KCTD10: variants seen among roughly 807,000 people sequenced by gnomAD.
KCTD10 encodes the protein BTB/POZ domain-containing adapter for CUL3-mediated RhoA degradation protein 3.
A neutral mutation model predicts 34.6 loss-of-function variants in KCTD10; 13 were observed. The ratio of observed to expected loss-of-function variants is 0.38; its 90% CI spans 0.24 to 0.60. The LOEUF is 0.60. KCTD10 is among the 20% of genes least tolerant of loss of function. KCTD10 has a pLI of 0.66. For missense variants in KCTD10, 256 were observed against 420.3 expected (o/e 0.61, Z 3.42); for synonymous variants, 156 against 168.8 (o/e 0.92, Z 0.59).
chr12:109,477,224 C>T (rs1320890851), intron 1 of KCTD10, 36 bp downstream of exon 1: 1 of 1,612,906 alleles, frequency 6.2e-7, no homozygotes, highest in African/African-American at 1.3e-5. Context: ...CCTCGGCCGC[C>T]CTCAACCCCT....
In KCTD10 at chr12:109,451,955, T is replaced by C. The variant is rs1872795524; in HGVS notation, c.724-142A>G. 1 of 623,804 alleles carries C rather than the reference T, an allele frequency of 1.6e-6. No homozygotes were observed. The highest frequency in any genetic ancestry group is 2.6e-6 in the Non-Finnish European group (1 of 382,676). The allele number at this position is 623,804 out of a possible 1,614,324, so 38.6% of individuals were successfully genotyped here. ...CCAGTATTATTTTTAAATAAACTGATATTTTCAATGGCAACACTTACATGT... is the reference window on the plus strand; with the variant it reads ...CCAGTATTATTTTTAAATAAACTGACATTTTCAATGGCAACACTTACATGT... On this transcript the variant is annotated intron_variant, in intron 6 of 6. Transcript: ENST00000228495. This position sits in a 1 kb window ranked among gnomAD's most constrained non-coding sequence, Gnocchi z 5.0.
In KCTD10 at chr12:109,448,972, C is replaced by T. The variant is rs1365822291; in HGVS notation, c.*2623G>A. The T allele has an allele frequency of 6.6e-6, 1 of 151,878 alleles. No individual in the cohort carries two copies. Among genetic ancestry groups the T allele is most frequent in the Non-Finnish European group, 1.5e-5 (1 of 68,036 alleles). 9.4% of individuals were successfully genotyped at this position (151,878 alleles called of 1,614,324 possible). On this transcript the variant is annotated 3_prime_UTR_variant, in exon 7 of 7. Transcript: ENST00000228495. ...GCCAGGAATTGTCTTGGACATGGGC[C>T]CCAGTCACCACAATCAGATGGCTTA...
chr12:109,467,120 C>A (rs1476373079), intron 2 of KCTD10, among the ~76,000 whole-genome samples: 3 of 152,264 alleles, frequency 2.0e-5, no homozygotes, highest in Non-Finnish European at 4.4e-5. Context: ...GGATGCCACA[C>A]TCAAATGATC....
chr12:109,451,859 C>A lies in KCTD10; in HGVS notation c.724-46G>T. On this transcript the variant is annotated intron_variant, in intron 6 of 6. Coordinates refer to ENST00000228495, the MANE Select transcript of KCTD10 (RefSeq NM_031954.5). This position sits in a 1 kb window ranked among gnomAD's most constrained non-coding sequence, Gnocchi z 5.0. ...GGGCAGGTAAGTTATGGCCCACCCC[C>A]TCTGCCAACACCTGGACTTTAAGCA... is the stretch of plus-strand genomic sequence containing the variant. 2 of 1,524,744 alleles carry A rather than the reference C, an allele frequency of 1.3e-6. No homozygotes were observed. The highest frequency in any genetic ancestry group is 1.9e-5 in the Admixed American group (1 of 53,006). 94.5% of individuals were successfully genotyped at this position (1,524,744 alleles called of 1,614,324 possible). A position where few individuals can be genotyped will look rare whatever the true frequency, so the allele number is the denominator to read the frequency against.
chr12:109,452,825 G>A (rs1007622372), intron 6 of KCTD10, among the ~76,000 whole-genome samples: 5 of 131,070 alleles, frequency 3.8e-5, no homozygotes, highest in Non-Finnish European at 8.1e-5. Context: ...GAGGCTGGGA[G>A]GAAATCCTGG....
intron 1 of KCTD10, among the ~76,000 whole-genome samples, chr12:109,473,222 C>T (rs1032506286): frequency 2.0e-5 from 3 of 152,176 alleles, no homozygotes; most frequent in African/African-American, 7.2e-5. Flanking sequence ...AGCTATGATA[C>T]ATAAGCTGAG....
intron 1 of KCTD10, among the ~76,000 whole-genome samples, chr12:109,473,118 C>A (rs538890548): frequency 3.3e-5 from 5 of 152,222 alleles, no homozygotes; most frequent in South Asian, 4.1e-4. Context: ...CAGGGTCAGT[C>A]ACTCTCAAGC....
intron 6 of KCTD10, 53 bp downstream of exon 6, chr12:109,456,065 A>G: frequency 6.5e-7 from 1 of 1,545,890 alleles, no homozygotes; most frequent in Non-Finnish European, 8.9e-7. Flanking sequence ...AGGAAGTTCT[A>G]TAGGTGTGTG....
chr12:109,467,897 G>T (rs539228752), intron 2 of KCTD10, among the ~76,000 whole-genome samples: 2 of 152,174 alleles, frequency 1.3e-5, no homozygotes, highest in African/African-American at 2.4e-5. Flanking sequence ...TTTTGATATG[G>T]CATCAGGCCA....
rs1047130363 is a variant in KCTD10, at chr12:109,450,166, G to A, written c.*1429C>T. 1 of 398,182 alleles carries A rather than the reference G, an allele frequency of 2.5e-6. No individual in the cohort carries two copies. Among genetic ancestry groups the A allele is most frequent in the African/African-American group, 2.1e-5 (1 of 48,632 alleles). 24.7% of individuals were successfully genotyped at this position (398,182 alleles called of 1,614,324 possible). A position where few individuals can be genotyped will look rare whatever the true frequency, so the allele number is the denominator to read the frequency against. On this transcript the variant is annotated 3_prime_UTR_variant, in exon 7 of 7. Transcript: ENST00000228495. ...GGTATAAAACGGTAACGATTCCCTT[G>A]ACAAACCCATCCATCACCTGACGCA... is the stretch of plus-strand genomic sequence containing the variant.
At chr12:109,467,570 T>C (rs1349010366) in intron 2 of KCTD10, among the ~76,000 whole-genome samples, 1 of 152,058 alleles carries the variant, frequency 6.6e-6, no homozygotes, top group East Asian at 1.9e-4. Context: ...TGCCGTGAGC[T>C]ATGATGGCCC....
At chr12:109,473,983 G>A (rs142297763) in intron 1 of KCTD10, among the ~76,000 whole-genome samples, 1,837 of 152,178 alleles carry the variant, frequency 0.012, 27 homozygotes, top group African/African-American at 0.037. Context: ...GTTTCACCAT[G>A]TTGGTCAGGC....
At chr12:109,469,965 T>C (rs1030006477) in intron 1 of KCTD10, 9 of 1,231,970 alleles carry the variant, frequency 7.3e-6, no homozygotes, top group South Asian at 3.3e-5. Flanking sequence ...AGCTGGGGTA[T>C]TGGATGACCC....
In KCTD10 at chr12:109,460,397, G is replaced by A. The variant is rs1231519873; in HGVS notation, c.387+239C>T. On this transcript the variant is annotated intron_variant, in intron 3 of 6. Transcript: ENST00000228495. The surrounding 1 kb of genome is among the most constrained non-coding windows in gnomAD (Gnocchi z 4.5). Reference sequence around the variant, plus strand: ...TGCTGAAGGGTTGAGATGTACACATGAGAAGATCCAACAGCATGGGGCTGC... The same window carrying A: ...TGCTGAAGGGTTGAGATGTACACATAAGAAGATCCAACAGCATGGGGCTGC... 1 of 529,926 alleles carries A rather than the reference G, an allele frequency of 1.9e-6. No homozygotes were observed. The highest frequency in any genetic ancestry group is 1.9e-5 in the African/African-American group (1 of 52,448). The allele number at this position is 529,926 out of a possible 1,614,324, so 32.8% of individuals were successfully genotyped here.
chr12:109,467,946 C>T (rs1051791103), intron 2 of KCTD10, among the ~76,000 whole-genome samples: 2 of 152,168 alleles, frequency 1.3e-5, no homozygotes, highest in Non-Finnish European at 1.5e-5. Context: ...CCTCAGCTTT[C>T]GAGGCAACTC....
At chr12:109,454,339 C>A (rs1197619771) in intron 6 of KCTD10, among the ~76,000 whole-genome samples, 2 of 152,170 alleles carry the variant, frequency 1.3e-5, no homozygotes, top group African/African-American at 4.8e-5. Flanking sequence ...ACCAAATGAG[C>A]ACTTGAGAAC....
At chr12:109,464,876 G>A (rs1873517556) in intron 2 of KCTD10, 1 of 455,830 alleles carries the variant, frequency 2.2e-6, no homozygotes, top group Non-Finnish European at 4.4e-6. Context: ...CACTCCAGAA[G>A]GGACTCCTGC....
chr12:109,452,854 TAA>T (rs1555257144), intron 6 of KCTD10, among the ~76,000 whole-genome samples: 90 of 151,252 alleles, frequency 6.0e-4, no homozygotes, highest in Middle Eastern at 6.8e-3. Flanking sequence ...CCTTTTTTTT[TAA>T]AAGATATGGG....
rs138293973 is a variant in KCTD10, at chr12:109,460,718, C to A, written c.305G>T (p.Arg102Leu). The change falls in exon 3 of 7, where the codon CGC (arginine) becomes CTC (leucine). Residue 102 changes from arginine to leucine, a missense_variant. Around this residue, in one of 3 missense-constraint regions of KCTD10, gnomAD observed 155 missense variants for 207.0 expected, o/e 0.75. Coordinates refer to ENST00000228495, the MANE Select transcript of KCTD10 (RefSeq NM_031954.5). This position sits in a 1 kb window ranked among gnomAD's most constrained non-coding sequence, Gnocchi z 4.5. ...TGCTAGCAGCTCCTCGATCTCCCGGCGGCTCTCGGGTAAAGGCACCGCCCC... is the reference window on the plus strand; with the variant it reads ...TGCTAGCAGCTCCTCGATCTCCCGGAGGCTCTCGGGTAAAGGCACCGCCCC... ...RDGAVPLPES[R>L]REIEELLAEA... 6 of 1,614,044 alleles carry A rather than the reference C, an allele frequency of 3.7e-6. No individual in the cohort carries two copies. The South Asian group carries it at 5.5e-5, about 15-fold the overall frequency.
Sources: allele counts gnomAD v4.1 joint callset (sites outside exome capture counted in the v4.1 genomes callset), GRCh38; gene constraint gnomAD v4.1.1; regional missense constraint gnomAD v4.1.1; non-coding constraint Gnocchi (gnomAD v3.1); transcripts MANE v1.5; gene names NCBI Gene and HGNC (gene_info 2026-07-23, HGNC 2026-07-21).